The following EPHA3 variants were observed in gnomAD, a reference collection of about 807,000 sequenced individuals.
EPHA3 encodes the protein ephrin type-A receptor 3.
Under a neutral mutation model 107.1 loss-of-function variants are expected in EPHA3, and 42 were observed. The observed-to-expected ratio is 0.39, with a 90% CI of 0.31 to 0.51. The LOEUF (loss-of-function observed/expected upper bound fraction) is 0.51, where lower values mean the gene tolerates loss of function less well. Ranked by LOEUF, EPHA3 falls within the 20% of genes least tolerant of loss-of-function variation. The probability of loss-of-function intolerance (pLI) is 0.78; values close to 1 mark genes in which losing one functional copy is unlikely to be tolerated. For synonymous variants in EPHA3, 461 were observed against 424.8 expected (o/e 1.09, Z -1.05); for missense variants, 1,183 against 1,211.2 (o/e 0.98, Z 0.35).
rs140787566 is a variant in EPHA3, at chr3:89,161,419, T to A, written c.153+34146T>A. Among the ~76,000 whole-genome samples, 870 of 152,308 alleles carry A rather than the reference T, an allele frequency of 5.7e-3. 5 individuals carry two copies. The highest frequency in any genetic ancestry group is 0.02 in the African/African-American group (815 of 41,560). On this transcript the variant is annotated intron_variant, in intron 2 of 16. Transcript: ENST00000336596. ...ACATAGTATAAATATAACACCTGCT[T>A]TTATACAAATTGAATCTTTCAATTA...
chr3:89,249,586 T>A (rs944269257), intron 3 of EPHA3, among the ~76,000 whole-genome samples: 2 of 151,864 alleles, frequency 1.3e-5, no homozygotes, highest in Non-Finnish European at 2.9e-5. Context: ...TCAGCCTCCC[T>A]AGTAGCTGGG....
chr3:89,207,860 G>C (rs1001781473), intron 2 of EPHA3, among the ~76,000 whole-genome samples: 31 of 152,078 alleles, frequency 2.0e-4, no homozygotes, highest in Admixed American at 1.8e-3. Context: ...GTGAAGTTTT[G>C]TGCTCCATAC....
chr3:89,209,959 A>C lies in EPHA3; in HGVS notation c.253A>C (p.Asn85His). The C allele has an allele frequency of 6.2e-7, 1 of 1,613,948 alleles. No homozygotes were observed. Among genetic ancestry groups the C allele is most frequent in the Non-Finnish European group, 8.5e-7 (1 of 1,179,918 alleles). Residue 85 changes from asparagine (N) to histidine (H), a missense_variant, in exon 3 of 17, where the codon AAC (asparagine) becomes CAC (histidine). Coordinates refer to ENST00000336596, the MANE Select transcript of EPHA3 (RefSeq NM_005233.6). ...CAGTCAAAACAATTGGCTGAGAACA[A>C]ACTGGGTCCCCAGGAACTCAGCTCA... ...DHSQNNWLRT[N>H]WVPRNSAQKI...
intron 1 of EPHA3, among the ~76,000 whole-genome samples, chr3:89,120,572 G>A (rs1559740180): frequency 6.6e-6 from 1 of 152,140 alleles, no homozygotes; most frequent in African/African-American, 2.4e-5. Flanking sequence ...AAAAGAGAAA[G>A]AAAGAAAATT....
chr3:89,460,737 G>A (rs1357750402), intron 15 of EPHA3, among the ~76,000 whole-genome samples: 11 of 146,264 alleles, frequency 7.5e-5, no homozygotes, highest in African/African-American at 2.3e-4. Flanking sequence ...AACTGACAGG[G>A]TGACTTTGCT....
intron 2 of EPHA3, among the ~76,000 whole-genome samples, chr3:89,162,893 G>A (rs1189503413): frequency 2.0e-5 from 3 of 152,196 alleles, no homozygotes; most frequent in Admixed American, 2.0e-4. Flanking sequence ...AAGCTGCAGG[G>A]TGTCTGCTGA....
At chr3:89,471,564 A>G (rs1357639133) in intron 15 of EPHA3, among the ~76,000 whole-genome samples, 1 of 152,054 alleles carries the variant, frequency 6.6e-6, no homozygotes, top group Non-Finnish European at 1.5e-5. Flanking sequence ...GAGTTTCTCC[A>G]TGTTGGTGAG....
At chr3:89,446,765 CATGATCCTTTCAGT>C (rs1709884806) in intron 13 of EPHA3, among the ~76,000 whole-genome samples, 1 of 151,652 alleles carries the variant, frequency 6.6e-6, no homozygotes, top group African/African-American at 2.4e-5. Context: ...AGTATACTGA[CATGATCCTTTCAGT>C]ATAAGTATAC....
intron 3 of EPHA3, among the ~76,000 whole-genome samples, chr3:89,264,693 A>C (rs1320305392): frequency 6.6e-6 from 1 of 152,146 alleles, no homozygotes; most frequent in South Asian, 2.1e-4. Flanking sequence ...TTGCTGTTAC[A>C]TCCCCAAAGC....
At chr3:89,145,290 C>CAT (rs386397306) in intron 2 of EPHA3, among the ~76,000 whole-genome samples, 2 of 151,466 alleles carry the variant, frequency 1.3e-5, no homozygotes, top group Non-Finnish European at 3.0e-5. Flanking sequence ...GACACACACA[C>CAT]ACACACATAA....
chr3:89,419,872 A>G (rs1709322614), intron 11 of EPHA3, among the ~76,000 whole-genome samples: 1 of 151,340 alleles, frequency 6.6e-6, no homozygotes, highest in Non-Finnish European at 1.5e-5. Flanking sequence ...TGAGCTGTAC[A>G]GATTGGAATC....
intron 15 of EPHA3, among the ~76,000 whole-genome samples, chr3:89,470,361 C>A (rs1243251228): frequency 6.6e-6 from 1 of 152,096 alleles, no homozygotes; most frequent in Non-Finnish European, 1.5e-5. Flanking sequence ...CTGCTATTTT[C>A]TTTTTGAAGT....
intron 3 of EPHA3, among the ~76,000 whole-genome samples, chr3:89,237,981 GA>G (rs1189913937): frequency 1.6e-3 from 172 of 110,210 alleles, no homozygotes; most frequent in Middle Eastern, 4.8e-3. Flanking sequence ...CATGTCTCAG[GA>G]AAAAAAAAAA....
chr3:89,183,441 A>G (rs941552446), intron 2 of EPHA3, among the ~76,000 whole-genome samples: 4 of 151,784 alleles, frequency 2.6e-5, no homozygotes, highest in Non-Finnish European at 5.9e-5. Flanking sequence ...ATCCTACCAA[A>G]TACCCAAAGA....
chr3:89,348,884 A>C lies in EPHA3; in HGVS notation c.1306+6794A>C, dbSNP rs1336462835. ...TCATTTCGTTATGTACCCAGTAGTC[A>C]TTCAGGAGCAGGTTGTTCAGTTTCC... On this transcript the variant is annotated intron_variant, in intron 5 of 16. Coordinates refer to ENST00000336596, the MANE Select transcript of EPHA3 (RefSeq NM_005233.6). Among the ~76,000 whole-genome samples, 3 of 128,210 alleles carry C rather than the reference A, an allele frequency of 2.3e-5. 1 individual carries two copies. Among genetic ancestry groups the C allele is most frequent in the Non-Finnish European group, 4.9e-5 (3 of 61,532 alleles). 84.1% of individuals were successfully genotyped at this position (128,210 alleles called of 152,430 possible).
At chr3:89,264,045 G>C (rs888934284) in intron 3 of EPHA3, among the ~76,000 whole-genome samples, 5 of 152,048 alleles carry the variant, frequency 3.3e-5, no homozygotes, top group African/African-American at 1.2e-4. Context: ...ATTCCCAAAA[G>C]TCTTAACCCA....
At chr3:89,312,312 G>A (rs1235356233) in intron 3 of EPHA3, among the ~76,000 whole-genome samples, 2 of 148,986 alleles carry the variant, frequency 1.3e-5, no homozygotes, top group South Asian at 2.1e-4. Flanking sequence ...TGGGGAAGAC[G>A]TTTTTTAGAG....
At chr3:89,383,297 CAGCACATGAGCCAAACAACCCA>C (rs1286868548) in intron 5 of EPHA3, among the ~76,000 whole-genome samples, 4 of 147,440 alleles carry the variant, frequency 2.7e-5, no homozygotes, top group African/African-American at 1.1e-4. Context: ...TGCTTGGGCA[CAGCACATGAGCCAAACAACCCA>C]AGAATAGCCT....
chr3:89,236,796 G>A (rs1421721925), intron 3 of EPHA3, among the ~76,000 whole-genome samples: 1 of 151,922 alleles, frequency 6.6e-6, no homozygotes, highest in African/African-American at 2.4e-5. Flanking sequence ...TAAAATTAAA[G>A]AAAGCTACAT....
Sources: allele counts gnomAD v4.1 joint callset (sites outside exome capture counted in the v4.1 genomes callset), GRCh38; gene constraint gnomAD v4.1.1; transcripts MANE v1.5; gene names NCBI Gene and HGNC (gene_info 2026-07-23, HGNC 2026-07-21).